SDHAF3: variants seen among roughly 807,000 people sequenced by gnomAD.
The protein encoded by SDHAF3 is succinate dehydrogenase assembly factor 3, mitochondrial.
A neutral mutation model predicts 11.5 loss-of-function variants in SDHAF3; 18 were observed. The observed-to-expected ratio is 1.56, with a 90% CI of 1.08 to 2.32. The LOEUF is 2.32. SDHAF3 is among the 30% of genes most tolerant of loss of function. The pLI is 0.00. For missense variants in SDHAF3, 200 were observed against 154.4 expected, an observed-to-expected ratio of 1.30 and a Z score of -1.57; for synonymous variants, 72 against 59.3, an observed-to-expected ratio of 1.21 and a Z score of -0.99.
intron 1 of SDHAF3, among the ~76,000 whole-genome samples, chr7:97,167,001 T>C (rs1789515439): frequency 6.6e-6 from 1 of 152,200 alleles, no homozygotes; most frequent in Non-Finnish European, 1.5e-5. Flanking sequence ...TCTAGGCACT[T>C]TCTTTCTTGA....
intron 1 of SDHAF3, among the ~76,000 whole-genome samples, chr7:97,153,524 T>A (rs1384697457): frequency 6.6e-6 from 1 of 152,216 alleles, no homozygotes; most frequent in African/African-American, 2.4e-5. Context: ...TTTGCAGGGT[T>A]TTGAGTGTAC....
At chr7:97,173,989 G>A (rs1004007081) in intron 1 of SDHAF3, among the ~76,000 whole-genome samples, 2 of 151,402 alleles carry the variant, frequency 1.3e-5, no homozygotes, top group African/African-American at 2.4e-5. Context: ...GCACAATCTC[G>A]GCTCACTGCA....
At chr7:97,121,820 G>C (rs1392847386) in intron 1 of SDHAF3, among the ~76,000 whole-genome samples, 1 of 149,988 alleles carries the variant, frequency 6.7e-6, no homozygotes, top group Non-Finnish European at 1.5e-5. Flanking sequence ...ATCGAGGTAA[G>C]AAACAGTATG....
chr7:97,145,006 A>G (rs2115677390), intron 1 of SDHAF3, among the ~76,000 whole-genome samples: 1 of 149,550 alleles, frequency 6.7e-6, no homozygotes, highest in Middle Eastern at 3.4e-3. Context: ...TTCTTTGTAG[A>G]GGTCTTTCAA....
chr7:97,150,982 A>G (rs984988602), intron 1 of SDHAF3, among the ~76,000 whole-genome samples: 3 of 152,144 alleles, frequency 2.0e-5, no homozygotes, highest in African/African-American at 7.2e-5. Context: ...TTAAGACTTA[A>G]TATATTAAGA....
intron 1 of SDHAF3, among the ~76,000 whole-genome samples, chr7:97,168,178 C>CTAAT (rs1469078118): frequency 2.6e-5 from 4 of 152,244 alleles, no homozygotes; most frequent in African/African-American, 7.2e-5. Context: ...GTTCACGTGC[C>CTAAT]TAATTTTTCC....
At position 97,181,173 on chromosome 7, in the gene SDHAF3, T is replaced by C. The variant is rs10266441; in HGVS notation, c.336T>C (p.Asn112=). ...QELMQEATKP[N]RQFSISESMK... The stretch of plus-strand genomic sequence containing the variant: ...TGATGCAAGAAGCCACAAAACCCAA[T>C]AGGCAATTTAGTATTTCTGAGTCTA... Residue 112 remains asparagine (N), a synonymous_variant, in exon 2 of 2, where the codon AAT becomes AAC. Coordinates refer to ENST00000432641, the MANE Select transcript of SDHAF3 (RefSeq NM_020186.3). 5.3e-3 allele frequency: 8,474 copies of C among 1,613,880 alleles called. 371 individuals are homozygous for C. In the African/African-American group the frequency reaches 0.097, roughly 19 times the overall value.
chr7:97,155,975 T>A lies in SDHAF3; in HGVS notation c.175-25037T>A, dbSNP rs184634139. 2.4e-4 allele frequency among the ~76,000 whole-genome samples: 36 copies of A among 152,276 alleles called. No individual in the cohort carries two copies. The East Asian group carries it at 6.8e-3, about 29-fold the overall frequency. On this transcript the variant is annotated intron_variant, in intron 1 of 1. Coordinates refer to ENST00000432641, the MANE Select transcript of SDHAF3 (RefSeq NM_020186.3). Reference sequence around the variant, plus strand: ...GTTTTTAGACTTAATTATATTGCCATTTTTTTAAAAAGTATGGTACGTGTG... The same window carrying A: ...GTTTTTAGACTTAATTATATTGCCAATTTTTTAAAAAGTATGGTACGTGTG...
At chr7:97,150,069 C>T (rs1249425670) in intron 1 of SDHAF3, among the ~76,000 whole-genome samples, 1 of 152,210 alleles carries the variant, frequency 6.6e-6, no homozygotes, top group East Asian at 1.9e-4. Context: ...CTCAGCCATT[C>T]AACTTTTATA....
At chr7:97,151,519 G>C (rs1342346994) in intron 1 of SDHAF3, among the ~76,000 whole-genome samples, 1 of 134,478 alleles carries the variant, frequency 7.4e-6, no homozygotes, top group Non-Finnish European at 1.6e-5. Flanking sequence ...TTTTTTTTGA[G>C]TTGGAGTCTC....
chr7:97,130,907 A>G (rs1051047670), intron 1 of SDHAF3, among the ~76,000 whole-genome samples: 1 of 152,152 alleles, frequency 6.6e-6, no homozygotes, highest in Non-Finnish European at 1.5e-5. Flanking sequence ...AAAAAACACC[A>G]TTTGATTGGC....
intron 1 of SDHAF3, among the ~76,000 whole-genome samples, chr7:97,118,978 CAG>C (rs1381990675): frequency 6.6e-6 from 1 of 152,160 alleles, no homozygotes; most frequent in African/African-American, 2.4e-5. Flanking sequence ...TTTTCAGACA[CAG>C]AGCACTTTAT....
At chr7:97,144,821 G>A (rs892786700) in intron 1 of SDHAF3, among the ~76,000 whole-genome samples, 1 of 152,012 alleles carries the variant, frequency 6.6e-6, no homozygotes, top group Admixed American at 6.6e-5. Context: ...TTTTAGAATT[G>A]TTTTTTGTAA....
intron 1 of SDHAF3, among the ~76,000 whole-genome samples, chr7:97,176,565 G>T (rs1288482025): frequency 6.6e-6 from 1 of 152,012 alleles, no homozygotes; most frequent in Non-Finnish European, 1.5e-5. Flanking sequence ...TTTTATTTTG[G>T]CCATTTTTCT....
chr7:97,130,768 A>T (rs969111278), intron 1 of SDHAF3, among the ~76,000 whole-genome samples: 2 of 152,314 alleles, frequency 1.3e-5, no homozygotes, highest in African/African-American at 4.8e-5. Context: ...GTCTCCACAC[A>T]AGAGGGGACC....
At chr7:97,132,315 G>A (rs1406411196) in intron 1 of SDHAF3, among the ~76,000 whole-genome samples, 3 of 151,970 alleles carry the variant, frequency 2.0e-5, no homozygotes, top group South Asian at 4.1e-4. Context: ...ATGATTTCTT[G>A]TTGAGTTTTG....
chr7:97,170,908 T>C (rs149206254), intron 1 of SDHAF3, among the ~76,000 whole-genome samples: 35 of 152,308 alleles, frequency 2.3e-4, no homozygotes, highest in African/African-American at 7.9e-4. Context: ...AGAAATAGCA[T>C]GTATAAGCTA....
At chr7:97,131,679 G>C (rs1481042484) in intron 1 of SDHAF3, among the ~76,000 whole-genome samples, 2 of 152,122 alleles carry the variant, frequency 1.3e-5, no homozygotes, top group Non-Finnish European at 2.9e-5. Flanking sequence ...AAGACAAATA[G>C]AATGTTTGGG....
At chr7:97,144,057 T>C (rs1182671811) in intron 1 of SDHAF3, among the ~76,000 whole-genome samples, 2 of 152,156 alleles carry the variant, frequency 1.3e-5, no homozygotes, top group African/African-American at 4.8e-5. Flanking sequence ...TATCACATTG[T>C]GGTTTTGATT....
Sources: gnomAD v4.1 joint callset for allele counts (sites outside exome capture counted in the v4.1 genomes callset) on GRCh38, gnomAD v4.1.1 for gene constraint, MANE v1.5 for transcripts, NCBI Gene and HGNC (gene_info 2026-07-23, HGNC 2026-07-21) for gene names.